SETD1A: variants seen among roughly 807,000 people sequenced by gnomAD.
The protein encoded by SETD1A is SET domain containing 1A, histone lysine methyltransferase.
SETD1A carries 29 observed loss-of-function variants against 149.9 expected under a neutral mutation model. The ratio of observed to expected loss-of-function variants is 0.19; its 90% CI spans 0.14 to 0.26. SETD1A has a LOEUF of 0.26. Among genes scored for constraint, SETD1A ranks in the 10% least tolerant of loss-of-function variants. SETD1A has a pLI of 1.00. For missense variants in SETD1A, 2,109 were observed against 2,353.1 expected (o/e 0.90, Z 2.15); for synonymous variants, 1,141 against 968.5 (o/e 1.18, Z -3.31).
In SETD1A at chr16:30,966,326, G is replaced by T; in HGVS notation, c.2445G>T (p.Val815=). ...AGCGAGACCTCAACCGCAAGATGGT[G>T]GAGAACGTGGCCTTCGGAGCCTTTG... ...IMQRDLNRKM[V]ENVAFGAFDQ... The change falls in exon 8 of 19, where the codon GTG becomes GTT. Residue 815 remains valine, a synonymous_variant. Coordinates refer to ENST00000262519, the MANE Select transcript of SETD1A (RefSeq NM_014712.3). 1 of 1,613,842 alleles carries T rather than the reference G, an allele frequency of 6.2e-7. No individual in the cohort carries two copies. Among genetic ancestry groups the T allele is most frequent in the Non-Finnish European group, 8.5e-7 (1 of 1,180,006 alleles).
chr16:30,962,228 C>T (rs1054111615), intron 4 of SETD1A, among the ~76,000 whole-genome samples: 5 of 152,124 alleles, frequency 3.3e-5, no homozygotes, highest in African/African-American at 1.2e-4. Context: ...CTACGCCCGG[C>T]TAATTTTTGT....
chr16:30,976,871 C>T (rs1178097852), intron 13 of SETD1A, among the ~76,000 whole-genome samples: 4 of 151,884 alleles, frequency 2.6e-5, no homozygotes, highest in South Asian at 2.1e-4. Context: ...TGAGAGGGCA[C>T]GACAAGGGAG....
intron 16 of SETD1A, 36 bp from the exon 17 acceptor site, chr16:30,981,025 G>C: frequency 6.2e-7 from 1 of 1,612,702 alleles, no homozygotes; most frequent in East Asian, 2.2e-5. Flanking sequence ...GGGTGTGGGA[G>C]GTGTCTGGCA....
Position 30,965,277 on chromosome 16 carries a change from A to G in SETD1A, c.1535A>G (p.Glu512Gly). The change falls in exon 7 of 19, where the codon GAG becomes GGG. Residue 512 changes from glutamate to glycine, a missense_variant. Glu to Gly is a moderately conservative substitution (Grantham distance 98). This residue lies in a region of SETD1A where 23 missense variants were observed against 48.7 expected (regional missense o/e 0.47). Coordinates refer to ENST00000262519, the MANE Select transcript of SETD1A (RefSeq NM_014712.3). ...TCCTTCTTGGCCTCTGACACAGAGG[A>G]GGAGGAAGAGAACAGCAGCATGGTC... ...KFSFLASDTE[E>G]EEENSSMVLG... 1 of 1,614,172 alleles carries G rather than the reference A, an allele frequency of 6.2e-7. No individual in the cohort carries two copies. The highest frequency in any genetic ancestry group is 8.5e-7 in the Non-Finnish European group (1 of 1,180,020).
chr16:30,966,318 A>C lies in SETD1A; in HGVS notation c.2437A>C (p.Lys813Gln). ...CATCATGCAGCGAGACCTCAACCGC[A>C]AGATGGTGGAGAACGTGGCCTTCGG... ...KSIMQRDLNR[K>Q]MVENVAFGAF... Residue 813 changes from lysine to glutamine, a missense_variant, in exon 8 of 19, where the codon AAG becomes CAG. By Grantham distance (53) the Lys-to-Gln change is moderately conservative. This residue lies in a region of SETD1A where 22 missense variants were observed against 51.3 expected (regional missense o/e 0.43). Coordinates refer to ENST00000262519, the MANE Select transcript of SETD1A (RefSeq NM_014712.3). 6.2e-7 allele frequency: 1 copy of C among 1,613,850 alleles called. No homozygotes were observed. Among genetic ancestry groups the C allele is most frequent in the Non-Finnish European group, 8.5e-7 (1 of 1,180,000 alleles).
chr16:30,969,383 A>G lies in SETD1A; in HGVS notation c.2849A>G (p.Lys950Arg), dbSNP rs1287723488. Residue 950 changes from lysine to arginine, a missense_variant, in exon 11 of 19, where the codon AAG (lysine) becomes AGG (arginine). Lys to Arg is a conservative substitution (Grantham distance 26, BLOSUM62 2). Around this residue, in one of 8 missense-constraint regions of SETD1A, gnomAD observed 832 missense variants for 815.6 expected, o/e 1.02. Transcript: ENST00000262519. ...CCGAAGCGGGACGAAGAGCGAGGCAAGACCCAGGGCAAGCACCGCAAGTCC... is the reference window on the plus strand; with the variant it reads ...CCGAAGCGGGACGAAGAGCGAGGCAGGACCCAGGGCAAGCACCGCAAGTCC... ...KPPKRDEERGKTQGKHRKSFA... is the reference protein window; with the variant it reads ...KPPKRDEERGRTQGKHRKSFA... 9 of 1,614,092 alleles carry G rather than the reference A, an allele frequency of 5.6e-6. No individual in the cohort carries two copies. The highest frequency in any genetic ancestry group is 7.6e-6 in the Non-Finnish European group (9 of 1,180,034).
rs2056366168 is a variant in SETD1A, at chr16:30,980,781, C to T, written c.4624C>T (p.Arg1542Trp). ...VLSERRSEQR[R>W]LLSAIGTSAI... ...GTCCGAGCGCCGGTCCGAGCAGCGG[C>T]GGCTGCTGAGCGCCATCGGTACCTC... The change falls in exon 16 of 19, where the codon CGG becomes TGG. Residue 1542 changes from arginine to tryptophan, a missense_variant. Coordinates refer to ENST00000262519, the MANE Select transcript of SETD1A (RefSeq NM_014712.3). The surrounding 1 kb of genome is among the most constrained non-coding windows in gnomAD (Gnocchi z 7.7). The T allele has an allele frequency of 1.3e-6, 2 of 1,599,448 alleles. No homozygotes were observed. Among genetic ancestry groups the T allele is most frequent in the Non-Finnish European group, 1.7e-6 (2 of 1,170,966 alleles).
chr16:30,963,363 G>T, intron 4 of SETD1A, 70 bp from the exon 5 acceptor site: 5 of 1,416,646 alleles, frequency 3.5e-6, no homozygotes, highest in Non-Finnish European at 4.7e-6. Flanking sequence ...GCCTGAGAAA[G>T]CAGGAATACC....
chr16:30,969,350 C>G lies in SETD1A; in HGVS notation c.2816C>G (p.Thr939Ser). 1 of 1,614,200 alleles carries G rather than the reference C, an allele frequency of 6.2e-7. No homozygotes were observed. Among genetic ancestry groups the G allele is most frequent in the East Asian group, 2.2e-5 (1 of 44,872 alleles). Reference sequence around the variant, plus strand: ...GCTGGAGAGCCAGGACGTCCGGGGACCAAGCCCCCGAAGCGGGACGAAGAG... The same window carrying G: ...GCTGGAGAGCCAGGACGTCCGGGGAGCAAGCCCCCGAAGCGGGACGAAGAG... The part of the protein sequence containing the change: ...KEAGEPGRPG[T>S]KPPKRDEERG... Residue 939 changes from threonine to serine, a missense_variant, in exon 11 of 19, where the codon ACC becomes AGC. Transcript: ENST00000262519.
Position 30,965,474 on chromosome 16 carries a change from T to C in SETD1A, c.1719+13T>C. On this transcript the variant is annotated intron_variant, in intron 7 of 18. Transcript: ENST00000262519. ...TGGACAGAACCAGGTGAGGTTGGGG[T>C]CAGCCAGAGGAGGCACCTGGGCTCT... The C allele has an allele frequency of 1.3e-6, 2 of 1,586,964 alleles. No homozygotes were observed. Among genetic ancestry groups the C allele is most frequent in the Non-Finnish European group, 1.7e-6 (2 of 1,162,530 alleles).
At chr16:30,971,202 G>A (rs1054006799) in intron 12 of SETD1A, among the ~76,000 whole-genome samples, 176 bp from the exon 13 acceptor site, 5 of 152,110 alleles carry the variant, frequency 3.3e-5, no homozygotes, top group African/African-American at 7.2e-5. Context: ...CATCCTCCCC[G>A]CATGCTGATG....
At position 30,965,431 on chromosome 16, in the gene SETD1A, G is replaced by A; in HGVS notation, c.1689G>A (p.Arg563=). Residue 563 remains arginine (R), a synonymous_variant, in exon 7 of 19, where the codon CGG becomes CGA. Coordinates refer to ENST00000262519, the MANE Select transcript of SETD1A (RefSeq NM_014712.3). ...GGAGCGGGGAGCCAGGGGCTACCCG[G>A]GAGTCTCCCAAGGCAAATGGACAGA... The part of the protein sequence containing the change: ...PTGSGEPGAT[R]ESPKANGQNQ... 4 of 1,601,920 alleles carry A rather than the reference G, an allele frequency of 2.5e-6. No homozygotes were observed. Among genetic ancestry groups the A allele is most frequent in the Non-Finnish European group, 3.4e-6 (4 of 1,171,226 alleles).
Position 30,984,081 on chromosome 16 carries a change from C to A in SETD1A, c.*58C>A, listed in dbSNP as rs1193107783. ...TATTCCCCCTGGTGCCCTGAGCTCC[C>A]AGCACCCCCCCAGCCTTAGTGGGCT... On this transcript the variant is annotated 3_prime_UTR_variant, in exon 19 of 19. Transcript: ENST00000262519. 8.0e-6 allele frequency: 12 copies of A among 1,500,300 alleles called. No homozygotes were observed. In the Admixed American group the frequency reaches 2.3e-4, roughly 28 times the overall value. 92.9% of individuals were successfully genotyped at this position (1,500,300 alleles called of 1,614,324 possible).
At chr16:30,970,927 C>G (rs1466386951) in intron 12 of SETD1A, among the ~76,000 whole-genome samples, 2 of 152,200 alleles carry the variant, frequency 1.3e-5, no homozygotes. Flanking sequence ...GAATATAGAG[C>G]CTGTCGTGTT....
In SETD1A at chr16:30,964,603, C is replaced by G; in HGVS notation, c.870-9C>G. The G allele has an allele frequency of 6.2e-7, 1 of 1,608,782 alleles. No individual in the cohort carries two copies. Among genetic ancestry groups the G allele is most frequent in the Non-Finnish European group, 8.5e-7 (1 of 1,176,992 alleles). ...CTGAGTCCAGCTAACTCCCCTGCTT[C>G]TTCTCCAGCACCACTTCAACCTCCT... On this transcript the variant is annotated splice_polypyrimidine_tract_variant and intron_variant, in intron 6 of 18. Transcript: ENST00000262519.
At chr16:30,958,458 C>G in intron 1 of SETD1A, 2 of 442,694 alleles carry the variant, frequency 4.5e-6, no homozygotes, top group South Asian at 5.7e-5. Flanking sequence ...GTGGGGCGCG[C>G]GCTAGGGAGA....
intron 17 of SETD1A, among the ~76,000 whole-genome samples, chr16:30,981,616 G>A (rs1429109478): frequency 1.3e-5 from 2 of 152,146 alleles, no homozygotes; most frequent in Non-Finnish European, 2.9e-5. Context: ...CTTGTGTTCT[G>A]CCTGCCTTGG....
chr16:30,970,337 G>A (rs1321274841), intron 12 of SETD1A, among the ~76,000 whole-genome samples: 1 of 148,812 alleles, frequency 6.7e-6, no homozygotes, highest in African/African-American at 2.5e-5. Flanking sequence ...ATGTGATCTT[G>A]GCTCACTGCA....
At chr16:30,978,272 CAAAA>C (rs72209091) in intron 13 of SETD1A, among the ~76,000 whole-genome samples, 5 of 96,646 alleles carry the variant, frequency 5.2e-5, no homozygotes, top group Admixed American at 1.1e-4. Context: ...GACCCCATCT[CAAAA>C]AAAAAAAAAA....
Sources: gnomAD v4.1 joint callset for allele counts (sites outside exome capture counted in the v4.1 genomes callset) on GRCh38, gnomAD v4.1.1 for gene constraint, gnomAD v4.1.1 regional missense constraint, Gnocchi (gnomAD v3.1) non-coding constraint, MANE v1.5 for transcripts, NCBI Gene and HGNC (gene_info 2026-07-23, HGNC 2026-07-21) for gene names.